Variants in RPGRIP1L observed in about 807,000 individuals in gnomAD.
RPGRIP1L encodes the protein protein fantom.
Under a neutral mutation model 160.4 loss-of-function variants are expected in RPGRIP1L, and 131 were observed. That is an observed-to-expected ratio of 0.82 (90% CI 0.71 to 0.94). RPGRIP1L has a LOEUF of 0.94. RPGRIP1L is among the 40% of genes least tolerant of loss of function. The probability of loss-of-function intolerance (pLI) is 0.00; values close to 1 mark genes in which losing one functional copy is unlikely to be tolerated. For missense variants in RPGRIP1L, 1,522 were observed against 1,535.8 expected (o/e 0.99, Z 0.15); for synonymous variants, 510 against 515.8 (o/e 0.99, Z 0.15).
At chr16:53,639,052 C>A (rs544665732) in intron 19 of RPGRIP1L, among the ~76,000 whole-genome samples, 1 of 151,638 alleles carries the variant, frequency 6.6e-6, no homozygotes. Context: ...TTAAAAATGT[C>A]ATATGCTAGC....
chr16:53,685,716 G>C (rs1969958297), intron 6 of RPGRIP1L, among the ~76,000 whole-genome samples: 1 of 152,066 alleles, frequency 6.6e-6, no homozygotes, highest in African/African-American at 2.4e-5. Context: ...GGAGGGTGAG[G>C]GGTGGGAGGA....
At chr16:53,689,600 A>T (rs1462373086) in intron 4 of RPGRIP1L, among the ~76,000 whole-genome samples, 1 of 152,190 alleles carries the variant, frequency 6.6e-6, no homozygotes, top group Non-Finnish European at 1.5e-5. Context: ...AAACAGTAGT[A>T]TTTGTATAGC....
intron 2 of RPGRIP1L, among the ~76,000 whole-genome samples, chr16:53,697,935 G>A (rs942361143): frequency 1.3e-5 from 2 of 151,440 alleles, no homozygotes; most frequent in African/African-American, 4.9e-5. Context: ...CTTCCCGGCC[G>A]CCATCCCATC....
intron 25 of RPGRIP1L, among the ~76,000 whole-genome samples, chr16:53,608,169 C>T (rs950389323): frequency 6.6e-5 from 10 of 152,204 alleles, no homozygotes; most frequent in Non-Finnish European, 1.5e-4. Flanking sequence ...TCTCTCTATA[C>T]TCCTTCATGC....
chr16:53,673,386 T>C (rs1392723240), intron 7 of RPGRIP1L, among the ~76,000 whole-genome samples: 1 of 152,158 alleles, frequency 6.6e-6, no homozygotes, highest in Admixed American at 6.5e-5. Context: ...GTAGCATGGG[T>C]CAAAAATGCT....
At position 53,696,131 on chromosome 16, in the gene RPGRIP1L, T is replaced by C; in HGVS notation, c.230+20A>G. ...ATTTTACTGAGTCAAGAAAAAAAGC[T>C]AAAAGCTTTTTATCATAACCTTTTA... On this transcript the variant is annotated intron_variant, in intron 3 of 26. Coordinates refer to ENST00000647211, the MANE Select transcript of RPGRIP1L (RefSeq NM_015272.5). 6.2e-7 allele frequency: 1 copy of C among 1,612,638 alleles called. No individual in the cohort carries two copies. The highest frequency in any genetic ancestry group is 8.5e-7 in the Non-Finnish European group (1 of 1,179,260).
intron 16 of RPGRIP1L, among the ~76,000 whole-genome samples, chr16:53,646,571 A>T (rs949416232): frequency 6.6e-6 from 1 of 152,196 alleles, no homozygotes; most frequent in Non-Finnish European, 1.5e-5. Flanking sequence ...AGATGAACAA[A>T]AGGAGTTATT....
At chr16:53,641,173 AAG>A (rs1390713559) in intron 18 of RPGRIP1L, 57 bp from the exon 19 acceptor site, 2 of 1,544,376 alleles carry the variant, frequency 1.3e-6, no homozygotes, top group Admixed American at 1.7e-5. Context: ...GATTTCAGAT[AAG>A]ACTTTAGCTA....
chr16:53,671,220 A>T (rs1032790197), intron 9 of RPGRIP1L, among the ~76,000 whole-genome samples: 7 of 152,322 alleles, frequency 4.6e-5, no homozygotes, highest in Non-Finnish European at 1.0e-4. Flanking sequence ...ATAAATGTAG[A>T]GTATCTAGCA....
At chr16:53,693,786 C>G (rs979210188) in intron 3 of RPGRIP1L, 2 of 152,130 alleles carry the variant, frequency 1.3e-5, no homozygotes, top group Admixed American at 1.3e-4. Flanking sequence ...GGGTCCTAAG[C>G]CCCACCCAAT....
intron 25 of RPGRIP1L, among the ~76,000 whole-genome samples, chr16:53,610,662 C>A (rs1211599651): frequency 6.6e-6 from 1 of 152,182 alleles, no homozygotes; most frequent in African/African-American, 2.4e-5. Context: ...AGTGTACCCA[C>A]CTTTCAACCT....
At chr16:53,666,843 C>T (rs1377822780) in intron 9 of RPGRIP1L, among the ~76,000 whole-genome samples, 1 of 152,050 alleles carries the variant, frequency 6.6e-6, no homozygotes, top group Non-Finnish European at 1.5e-5. Flanking sequence ...CTGGGTTTTC[C>T]AAACCCACAA....
rs1057250859 is a variant in RPGRIP1L at position 53,663,046 on chromosome 16, T to C, written c.1243+1824A>G. 3.3e-5 allele frequency among the ~76,000 whole-genome samples: 5 copies of C among 151,992 alleles called. No homozygotes were observed. In the South Asian group the frequency reaches 6.2e-4, roughly 19 times the overall value. On this transcript the variant is annotated intron_variant, in intron 10 of 26. Transcript: ENST00000647211. ...AAAAAAAGCACATTGTAAAACTACA[T>C]CTATCATTTAGAAATAACTCTGAAA...
intron 23 of RPGRIP1L, 37 bp downstream of exon 23, chr16:53,622,182 G>C: frequency 1.6e-6 from 1 of 617,894 alleles, no homozygotes; most frequent in South Asian, 1.9e-5. Context: ...GGCCAACATA[G>C]TGAAACCCCG....
intron 10 of RPGRIP1L, 52 bp from the exon 11 acceptor site, chr16:53,658,930 G>T: frequency 1.7e-6 from 2 of 1,167,776 alleles, no homozygotes; most frequent in African/African-American, 1.5e-5. Context: ...TCAGGTTTAA[G>T]GACACATTTC....
intron 14 of RPGRIP1L, among the ~76,000 whole-genome samples, chr16:53,655,919 A>G (rs1000048595): frequency 7.2e-5 from 11 of 152,300 alleles, no homozygotes; most frequent in Admixed American, 3.3e-4. Flanking sequence ...GTATCTTGGA[A>G]TCATGGTAGA....
chr16:53,682,508 G>C (rs896446637), intron 6 of RPGRIP1L, among the ~76,000 whole-genome samples: 1 of 152,104 alleles, frequency 6.6e-6, no homozygotes, highest in Non-Finnish European at 1.5e-5. Context: ...GTTAACACTA[G>C]CTCCTAAATG....
In RPGRIP1L at chr16:53,636,467, G is replaced by A. The variant is rs868764987; in HGVS notation, c.3266C>T (p.Pro1089Leu). The change falls in exon 22 of 27, where the codon CCA (proline) becomes CTA (leucine). Residue 1089 changes from proline (P) to leucine (L), a missense_variant. Physicochemically the swap from Pro to Leu is moderately conservative, Grantham distance 98. Coordinates refer to ENST00000647211, the MANE Select transcript of RPGRIP1L (RefSeq NM_015272.5). ...TTTGATATTCTTGGAGATAGGACCT[G>A]GAATAATACAGTCATCACTGTCAGA... ...SASDSDDCII[P>L]GPISKNIKQS... is the part of the protein sequence containing the mutation. 1 of 1,612,070 alleles carries A rather than the reference G, an allele frequency of 6.2e-7. No homozygotes were observed.
At chr16:53,698,058 T>C (rs1465669506) in intron 2 of RPGRIP1L, among the ~76,000 whole-genome samples, 55 of 134,896 alleles carry the variant, frequency 4.1e-4, no homozygotes, top group Non-Finnish European at 7.5e-4. Context: ...GCCGCAACCC[T>C]GTCTGGGAGG....
Sources: gnomAD v4.1 joint callset for allele counts (sites outside exome capture counted in the v4.1 genomes callset) on GRCh38, gnomAD v4.1.1 for gene constraint, MANE v1.5 for transcripts, NCBI Gene and HGNC (gene_info 2026-07-23, HGNC 2026-07-21) for gene names.